Variants in MAP3K13 observed in about 807,000 individuals in gnomAD.
MAP3K13 encodes mitogen-activated protein kinase kinase kinase 13.
A neutral mutation model predicts 104.0 loss-of-function variants in MAP3K13; 52 were observed. The observed-to-expected ratio is 0.50, with a 90% CI of 0.40 to 0.63. The LOEUF (loss-of-function observed/expected upper bound fraction) is 0.63. MAP3K13 is among the 20% of genes least tolerant of loss of function. The probability of loss-of-function intolerance (pLI) is 0.00; values close to 1 mark genes in which losing one functional copy is unlikely to be tolerated. For missense variants in MAP3K13, 914 were observed against 1,218.5 expected (o/e 0.75, Z 3.72); for synonymous variants, 394 against 442.2 (o/e 0.89, Z 1.37).
chr3:185,472,299 G>A (rs565319645), intron 10 of MAP3K13, among the ~76,000 whole-genome samples: 257 of 140,834 alleles, frequency 1.8e-3, no homozygotes, highest in African/African-American at 5.7e-3. Context: ...TGCAACCTCC[G>A]CCTCCCAGGT....
At chr3:185,340,601 A>G (rs1722681564) in intron 2 of MAP3K13, among the ~76,000 whole-genome samples, 1 of 152,126 alleles carries the variant, frequency 6.6e-6, no homozygotes, top group Admixed American at 6.6e-5. Context: ...CCCATCTGAT[A>G]TGGTTGGCTG....
At position 185,354,746 on chromosome 3, in the gene MAP3K13, C is replaced by A. The variant is rs1723282191; in HGVS notation, c.-86+69103C>A. On this transcript the variant is annotated intron_variant, in intron 2 of 14. Transcript: ENST00000424227. The stretch of plus-strand genomic sequence containing the variant: ...TTCAAGTAAAACATTCCTGTCTACC[C>A]CACTAATTTAACATCTACACCATTT... 1.3e-5 allele frequency among the ~76,000 whole-genome samples: 2 copies of A among 151,660 alleles called. 1 individual carries two copies. The highest frequency in any genetic ancestry group is 4.2e-4 in the South Asian group (2 of 4,774).
chr3:185,288,520 A>ATATGTGTG (rs1553784163), intron 2 of MAP3K13, among the ~76,000 whole-genome samples: 1 of 7,894 alleles, frequency 1.3e-4, no homozygotes, highest in African/African-American at 2.8e-4. Flanking sequence ...AAAAGAGAAT[A>ATATGTGTG]TGTGTGTGTG....
rs190000958 is a variant in MAP3K13 at position 185,331,899 on chromosome 3, T to G, written c.-86+46256T>G. The stretch of plus-strand genomic sequence containing the variant: ...TTACACATAACATTATACGTAATGT[T>G]CTAAATGTTTTCAGTTGTAATATAT... On this transcript the variant is annotated intron_variant, in intron 2 of 14. Coordinates refer to the MAP3K13 transcript ENST00000424227. 6.0e-3 allele frequency among the ~76,000 whole-genome samples: 913 copies of G among 152,330 alleles called. 17 individuals carry two copies. The highest frequency in any genetic ancestry group is 0.021 in the African/African-American group (857 of 41,562).
chr3:185,324,363 A>T (rs1721974193), intron 2 of MAP3K13, among the ~76,000 whole-genome samples: 1 of 152,132 alleles, frequency 6.6e-6, no homozygotes. Context: ...TTCTTCTCTG[A>T]ACTGTTCATG....
rs1577534119 is a variant in MAP3K13 at position 185,418,646 on chromosome 3, G to T, written c.-85-9851G>T. 2 of 1,611,726 alleles carry T rather than the reference G, an allele frequency of 1.2e-6. No homozygotes were observed. Among genetic ancestry groups the T allele is most frequent in the South Asian group, 2.2e-5 (2 of 90,988 alleles). On this transcript the variant is annotated intron_variant, in intron 1 of 13. Coordinates refer to ENST00000265026, the MANE Select transcript of MAP3K13 (RefSeq NM_004721.5). The surrounding 1 kb of genome is among the most constrained non-coding windows in gnomAD (Gnocchi z 4.5). ...GCGTAGGGCTGTCTGTTGTTTTTGC[G>T]CAAGTTGGTGTGAACAAAGTTCACA...
rs1717956784 is a variant in MAP3K13, at chr3:185,473,846, T to C, written c.2430+85T>C. The C allele has an allele frequency of 3.7e-6, 5 of 1,348,266 alleles. No homozygotes were observed. In the Admixed American group the frequency reaches 6.9e-5, roughly 18 times the overall value. The allele number at this position is 1,348,266 out of a possible 1,614,324, so 83.5% of individuals were successfully genotyped here. On this transcript the variant is annotated intron_variant, in intron 11 of 13. Coordinates refer to ENST00000265026, the MANE Select transcript of MAP3K13 (RefSeq NM_004721.5). The surrounding 1 kb of genome is among the most constrained non-coding windows in gnomAD (Gnocchi z 4.9). ...CATGTTATACACATTAGAGAGCATA[T>C]GTAAAAAGTATACATTTTGTAAAAG...
chr3:185,374,572 A>G (rs56248827), intron 1 of MAP3K13, among the ~76,000 whole-genome samples: 34,069 of 152,058 alleles, frequency 0.22, 4,171 homozygotes, highest in African/African-American at 0.32. Context: ...TTAAAGGACT[A>G]AGAATCGGGA....
chr3:185,430,692 C>T (rs1049047839), intron 2 of MAP3K13, among the ~76,000 whole-genome samples: 27 of 152,078 alleles, frequency 1.8e-4, no homozygotes, highest in Non-Finnish European at 2.2e-4. Context: ...AAGTAATATA[C>T]GTATGAAATT....
chr3:185,480,099 T>C (rs1718357855), intron 12 of MAP3K13, 133 bp from the exon 13 acceptor site: 2 of 799,108 alleles, frequency 2.5e-6, no homozygotes, highest in Non-Finnish European at 4.0e-6. Context: ...AGTTTCTACC[T>C]ATCTTGATTT....
At chr3:185,326,527 C>G (rs942565841) in intron 2 of MAP3K13, among the ~76,000 whole-genome samples, 45 of 152,148 alleles carry the variant, frequency 3.0e-4, no homozygotes, top group African/African-American at 1.1e-3. Context: ...ACAGGTCCAA[C>G]TACTTTGTAT....
At position 185,465,819 on chromosome 3, in the gene MAP3K13, T is replaced by G. The variant is rs764579031; in HGVS notation, c.1461T>G (p.Ser487Arg). The G allele has an allele frequency of 6.2e-7, 1 of 1,614,070 alleles. No individual in the cohort carries two copies. The highest frequency in any genetic ancestry group is 1.1e-5 in the South Asian group (1 of 91,082). ...CGAATAATTTATACATGGAATTGAGTGCCATCATGCTGCAGCTAGAAATGC... is the reference window on the plus strand; with the variant it reads ...CGAATAATTTATACATGGAATTGAGGGCCATCATGCTGCAGCTAGAAATGC... ...ERANNLYMEL[S>R]AIMLQLEMRE... The change falls in exon 9 of 14, where the codon AGT becomes AGG. Residue 487 changes from serine (S) to arginine (R), a missense_variant. By Grantham distance (110) the Ser-to-Arg change is moderately radical (BLOSUM62 -1). Around this residue, in one of 3 missense-constraint regions of MAP3K13, gnomAD observed 583 missense variants for 737.4 expected, o/e 0.79. Coordinates refer to ENST00000265026, the MANE Select transcript of MAP3K13 (RefSeq NM_004721.5).
intron 11 of MAP3K13, among the ~76,000 whole-genome samples, chr3:185,475,447 AG>A (rs1438687159): frequency 6.6e-6 from 1 of 152,218 alleles, no homozygotes; most frequent in African/African-American, 2.4e-5. Context: ...TTGGTCAACT[AG>A]GCATTGAGTA....
At chr3:185,411,111 T>C (rs1374763771) in intron 1 of MAP3K13, among the ~76,000 whole-genome samples, 1 of 152,146 alleles carries the variant, frequency 6.6e-6, no homozygotes, top group Non-Finnish European at 1.5e-5. Flanking sequence ...CCCTTGGTTT[T>C]TCCTGGCTTC....
chr3:185,338,198 C>T (rs1014049762), intron 2 of MAP3K13, among the ~76,000 whole-genome samples: 8 of 151,704 alleles, frequency 5.3e-5, no homozygotes, highest in African/African-American at 1.7e-4. Context: ...GGTATGGTGG[C>T]GTGCTCCTAT....
rs747149372 is a variant in MAP3K13, at chr3:185,480,319, C to A, written c.2589C>A (p.Thr863=). ...FSVSDGEEGN[T]SDHSNSPDEL... is the part of the protein sequence containing the mutation. Reference sequence around the variant, plus strand: ...TGTCTGATGGAGAAGAGGGAAATACCAGTGACCACTCAAACAGTCCTGATG... The same window carrying A: ...TGTCTGATGGAGAAGAGGGAAATACAAGTGACCACTCAAACAGTCCTGATG... The change falls in exon 13 of 14, where the codon ACC becomes ACA. Residue 863 remains threonine (T), a synonymous_variant. Coordinates refer to ENST00000265026, the MANE Select transcript of MAP3K13 (RefSeq NM_004721.5). The A allele has an allele frequency of 1.6e-5, 26 of 1,614,042 alleles. No homozygotes were observed. In the Admixed American group the frequency reaches 3.0e-4, roughly 19 times the overall value.
intron 2 of MAP3K13, among the ~76,000 whole-genome samples, chr3:185,435,364 T>C (rs1402375535): frequency 6.6e-6 from 1 of 152,098 alleles, no homozygotes; most frequent in African/African-American, 2.4e-5. Context: ...TCTTACAATA[T>C]GCCATCGATA....
chr3:185,354,616 G>C (rs563554053), intron 2 of MAP3K13, among the ~76,000 whole-genome samples: 99 of 151,482 alleles, frequency 6.5e-4, no homozygotes, highest in African/African-American at 2.3e-3. Flanking sequence ...TATGGGGGGG[G>C]GGCAGGGTAC....
intron 1 of MAP3K13, among the ~76,000 whole-genome samples, chr3:185,384,136 A>G (rs1711538761): frequency 6.6e-6 from 1 of 152,094 alleles, no homozygotes; most frequent in South Asian, 2.1e-4. Flanking sequence ...CTATTGTTCT[A>G]CTACCTACCT....
Sources: gnomAD v4.1 joint callset for allele counts (sites outside exome capture counted in the v4.1 genomes callset) on GRCh38, gnomAD v4.1.1 for gene constraint, gnomAD v4.1.1 regional missense constraint, Gnocchi (gnomAD v3.1) non-coding constraint, MANE v1.5 for transcripts, NCBI Gene and HGNC (gene_info 2026-07-23, HGNC 2026-07-21) for gene names.